Variants in FAM53B observed in about 807,000 individuals in gnomAD.
The protein encoded by FAM53B is protein FAM53B.
FAM53B carries 12 observed loss-of-function variants against 32.7 expected under a neutral mutation model. That is an observed-to-expected ratio of 0.37 (90% CI 0.24 to 0.59). The LOEUF (loss-of-function observed/expected upper bound fraction) is 0.59, where lower values mean the gene tolerates loss of function less well. FAM53B is among the 20% of genes least tolerant of loss of function. FAM53B has a pLI of 0.72. For synonymous variants in FAM53B, 234 were observed against 228.7 expected (o/e 1.02, Z -0.21); for missense variants, 477 against 577.7 (o/e 0.83, Z 1.79).
At chr10:124,650,248 T>C (rs1243766728) in intron 4 of FAM53B, among the ~76,000 whole-genome samples, 1 of 152,160 alleles carries the variant, frequency 6.6e-6, no homozygotes, top group African/African-American at 2.4e-5. Context: ...AAGGACTCTC[T>C]ATCGGTTGGA....
intron 4 of FAM53B, among the ~76,000 whole-genome samples, chr10:124,659,425 G>T (rs569523918): frequency 5.2e-4 from 79 of 152,366 alleles, no homozygotes; most frequent in African/African-American, 1.8e-3. Flanking sequence ...AGCAGTGGTG[G>T]AAGTGGTCTT....
At chr10:124,669,546 T>A (rs548115247) in intron 4 of FAM53B, among the ~76,000 whole-genome samples, 6 of 152,216 alleles carry the variant, frequency 3.9e-5, no homozygotes, top group Non-Finnish European at 4.4e-5. Flanking sequence ...CCACACATTC[T>A]GAGCACCACC....
In FAM53B at chr10:124,733,728, A is replaced by G. The variant is rs1160480985; in HGVS notation, c.-175+10285T>C. Among the ~76,000 whole-genome samples the G allele has an allele frequency of 6.6e-6, 1 of 152,192 alleles. No homozygotes were observed. The highest frequency in any genetic ancestry group is 2.1e-4 in the South Asian group (1 of 4,834). Reference sequence around the variant, plus strand: ...CTGGCCAAGGCGGCACTTGATGAAAATTCTCAGAGGCTAGTCTCATGCTTC... The same window carrying G: ...CTGGCCAAGGCGGCACTTGATGAAAGTTCTCAGAGGCTAGTCTCATGCTTC... On this transcript the variant is annotated intron_variant, in intron 1 of 4. Coordinates refer to ENST00000337318, the MANE Select transcript of FAM53B (RefSeq NM_014661.4). The surrounding 1 kb of genome is among the most constrained non-coding windows in gnomAD (Gnocchi z 4.3).
chr10:124,627,766 T>C (rs1206853524), intron 4 of FAM53B, among the ~76,000 whole-genome samples: 3 of 152,030 alleles, frequency 2.0e-5, no homozygotes, highest in African/African-American at 7.2e-5. Flanking sequence ...GCCCTGGCCA[T>C]TCCCGCTGGC....
intron 1 of FAM53B, 129 bp from the exon 2 acceptor site, chr10:124,707,016 T>TG (rs1949964084): frequency 6.3e-6 from 5 of 788,366 alleles, no homozygotes; most frequent in Non-Finnish European, 1.7e-6. Context: ...AGATGCACTC[T>TG]GGGAGAGTCA....
intron 4 of FAM53B, among the ~76,000 whole-genome samples, chr10:124,657,039 T>A (rs948038130): frequency 2.8e-5 from 4 of 144,046 alleles, no homozygotes; most frequent in Non-Finnish European, 4.5e-5. Context: ...AAAGTATAAA[T>A]ATATATATAT....
intron 1 of FAM53B, among the ~76,000 whole-genome samples, chr10:124,740,951 G>GAA (rs1950196021): frequency 6.6e-6 from 1 of 152,198 alleles, no homozygotes; most frequent in Admixed American, 6.5e-5. Context: ...TTCAAAAGAG[G>GAA]AAGAGTCTGA....
intron 1 of FAM53B, among the ~76,000 whole-genome samples, chr10:124,716,531 C>T (rs1451266797): frequency 3.9e-5 from 6 of 152,052 alleles, no homozygotes; most frequent in Admixed American, 3.3e-4. Context: ...ATCCAAAAAG[C>T]CAAAACAAAT....
intron 2 of FAM53B, among the ~76,000 whole-genome samples, chr10:124,703,216 T>A (rs1418935653): frequency 6.6e-6 from 1 of 152,098 alleles, no homozygotes; most frequent in East Asian, 1.9e-4. Flanking sequence ...ACTCAGCTAA[T>A]TTTTTGTATT....
At chr10:124,717,940 G>C (rs184063091) in intron 1 of FAM53B, among the ~76,000 whole-genome samples, 114 of 152,216 alleles carry the variant, frequency 7.5e-4, no homozygotes, top group Non-Finnish European at 1.4e-3. Context: ...CCAGGCTACA[G>C]ACACAGCTTT....
intron 1 of FAM53B, among the ~76,000 whole-genome samples, chr10:124,721,546 G>A (rs2134096147): frequency 6.6e-6 from 1 of 152,324 alleles, no homozygotes; most frequent in East Asian, 1.9e-4. Flanking sequence ...ACACCCCTGG[G>A]CGAACCTTGC....
chr10:124,679,523 G>A (rs1447765287), intron 4 of FAM53B, among the ~76,000 whole-genome samples: 1 of 152,230 alleles, frequency 6.6e-6, no homozygotes, highest in African/African-American at 2.4e-5. Flanking sequence ...GCCAAAGCAG[G>A]CAGAGCCCCA....
Position 124,639,876 on chromosome 10 carries a change from C to T in FAM53B, c.907-16272G>A, listed in dbSNP as rs988953311. On this transcript the variant is annotated intron_variant, in intron 4 of 4. Coordinates refer to ENST00000337318, the MANE Select transcript of FAM53B (RefSeq NM_014661.4). ...CACAAGGGACAGGCTCTGCCAGCCT[C>T]CTTTTACACCTGGAGAGACAGAGGT... is the stretch of plus-strand genomic sequence containing the variant. Among the ~76,000 whole-genome samples the T allele has an allele frequency of 5.9e-5, 9 of 152,132 alleles. No homozygotes were observed. The East Asian group carries it at 1.4e-3, about 23-fold the overall frequency.
intron 1 of FAM53B, among the ~76,000 whole-genome samples, chr10:124,716,976 C>A (rs183813836): frequency 5.4e-4 from 82 of 152,118 alleles, no homozygotes; most frequent in African/African-American, 2.0e-3. Flanking sequence ...TTCAGTCGGA[C>A]CTATTTATAA....
chr10:124,683,986 A>G (rs2134069718), intron 3 of FAM53B, among the ~76,000 whole-genome samples: 1 of 152,358 alleles, frequency 6.6e-6, no homozygotes, highest in South Asian at 2.1e-4. Flanking sequence ...CCAGAGAAAA[A>G]GCCGAGGCAG....
intron 4 of FAM53B, among the ~76,000 whole-genome samples, chr10:124,647,464 T>C (rs1013196584): frequency 6.6e-6 from 1 of 152,200 alleles, no homozygotes; most frequent in Admixed American, 6.5e-5. Flanking sequence ...AAGCTCCCTG[T>C]AGACAGGCAG....
At position 124,654,734 on chromosome 10, in the gene FAM53B, G is replaced by A. The variant is rs75361808; in HGVS notation, c.906+26873C>T. ...CATGAGTGGTGTTGTGGGTAGGGCT[G>A]TAGGTGTTTGGCCTTCCTGAGGCCT... On this transcript the variant is annotated intron_variant, in intron 4 of 4. Transcript: ENST00000337318. 4.2e-3 allele frequency among the ~76,000 whole-genome samples: 638 copies of A among 152,280 alleles called. 26 individuals carry two copies. The East Asian group carries it at 0.088, about 21-fold the overall frequency.
chr10:124,743,920 C>T (rs1254071273), intron 1 of FAM53B, 93 bp downstream of exon 1: 1 of 150,706 alleles, frequency 6.6e-6, no homozygotes, highest in African/African-American at 2.4e-5. Flanking sequence ...GCCGGGCTCC[C>T]TCCAGCCAGC....
intron 4 of FAM53B, among the ~76,000 whole-genome samples, chr10:124,671,755 G>A (rs1316197022): frequency 6.6e-6 from 1 of 152,016 alleles, no homozygotes; most frequent in Non-Finnish European, 1.5e-5. Flanking sequence ...ACCAACTGTT[G>A]CTTTTGTTTT....
Sources: gnomAD v4.1 joint callset for allele counts (sites outside exome capture counted in the v4.1 genomes callset) on GRCh38, gnomAD v4.1.1 for gene constraint, Gnocchi (gnomAD v3.1) non-coding constraint, MANE v1.5 for transcripts, NCBI Gene and HGNC (gene_info 2026-07-23, HGNC 2026-07-21) for gene names.